Variants in LYG2 observed in about 807,000 individuals in gnomAD.
The protein encoded by LYG2 is lysozyme g2.
Under a neutral mutation model 22.4 loss-of-function variants are expected in LYG2, and 25 were observed. The ratio of observed to expected loss-of-function variants is 1.12; its 90% confidence interval spans 0.81 to 1.56. LYG2 has a LOEUF of 1.56. Ranked by LOEUF, LYG2 falls within the 40% of genes most tolerant of loss-of-function variation. The probability of loss-of-function intolerance (pLI) is 0.00; values close to 1 mark genes in which losing one functional copy is unlikely to be tolerated. For synonymous variants in LYG2, 88 were observed against 97.0 expected (o/e 0.91, Z 0.55); for missense variants, 266 against 269.5 (o/e 0.99, Z 0.09).
At position 99,242,275 on chromosome 2, in the gene LYG2, G is replaced by T; in HGVS notation, c.*89C>A. Reference sequence around the variant, plus strand: ...CTTTCATGATTTTAATCATTTCTTTGCCAGTGTTGTATACAACACATTCAC... The same window carrying T: ...CTTTCATGATTTTAATCATTTCTTTTCCAGTGTTGTATACAACACATTCAC... On this transcript the variant is annotated 3_prime_UTR_variant, in exon 7 of 7. Transcript: ENST00000333017. The T allele has an allele frequency of 1.5e-5, 8 of 541,990 alleles. No individual in the cohort carries two copies. Among genetic ancestry groups the T allele is most frequent in the South Asian group, 4.1e-5 (1 of 24,538 alleles). 33.6% of individuals were successfully genotyped at this position (541,990 alleles called of 1,614,324 possible).
At position 99,245,500 on chromosome 2, in the gene LYG2, T is replaced by C. The variant is rs536980441; in HGVS notation, c.185-42A>G. ...GAAACTGTTTTTCCGGGCATGGTAG[T>C]GTGTGCCTGAAGTCAGTTCCTGCTA... On this transcript the variant is annotated intron_variant, in intron 4 of 6. Coordinates refer to ENST00000333017, the MANE Select transcript of LYG2 (RefSeq NM_175735.4). 3.6e-5 allele frequency: 49 copies of C among 1,365,986 alleles called. No individual in the cohort carries two copies. The East Asian group carries it at 1.1e-3, about 31-fold the overall frequency. The allele number at this position is 1,365,986 out of a possible 1,614,324, so 84.6% of individuals were successfully genotyped here.
At chr2:99,247,021 C>T (rs934339816) in intron 3 of LYG2, among the ~76,000 whole-genome samples, 6 of 152,180 alleles carry the variant, frequency 3.9e-5, no homozygotes, top group Admixed American at 2.6e-4. Context: ...TAACACAGGA[C>T]GTAATCTGAA....
Position 99,246,803 on chromosome 2 carries a change from A to G in LYG2, c.61T>C (p.Tyr21His), listed in dbSNP as rs2094016838. 2 of 1,613,486 alleles carry G rather than the reference A, an allele frequency of 1.2e-6. No individual in the cohort carries two copies. The highest frequency in any genetic ancestry group is 1.7e-6 in the Non-Finnish European group (2 of 1,179,816). Residue 21 changes from tyrosine (Y) to histidine (H), a missense_variant, in exon 4 of 7, where the codon TAC (tyrosine) becomes CAC (histidine). Physicochemically the swap from Tyr to His is moderately conservative, Grantham distance 83 (BLOSUM62 2). Coordinates refer to ENST00000333017, the MANE Select transcript of LYG2 (RefSeq NM_175735.4). ...IALIGTSRGS[Y>H]PFSHSMKPHL... ...GGCTTCATTGAGTGACTGAAGGGGTATGAGCCCCTGGAAGTGCCTAGGAGG... is the reference window on the plus strand; with the variant it reads ...GGCTTCATTGAGTGACTGAAGGGGTGTGAGCCCCTGGAAGTGCCTAGGAGG...
chr2:99,244,677 T>A (rs1013064053), intron 5 of LYG2, among the ~76,000 whole-genome samples: 1 of 152,206 alleles, frequency 6.6e-6, no homozygotes, highest in African/African-American at 2.4e-5. Flanking sequence ...TTTATAAGAT[T>A]TTCTCAGTTT....
chr2:99,253,984 G>A (rs1193229174), intron 3 of LYG2, among the ~76,000 whole-genome samples: 2 of 152,156 alleles, frequency 1.3e-5, no homozygotes, highest in Non-Finnish European at 2.9e-5. Context: ...CAGGAAGTAA[G>A]CAGATCAATA....
the LYG2 span, among the ~76,000 whole-genome samples, chr2:99,260,822 G>A: frequency 6.6e-6 from 1 of 152,212 alleles, no homozygotes; most frequent in African/African-American, 2.4e-5. Flanking sequence ...AAAAAAATCA[G>A]ATAGCAATGC....
chr2:99,252,146 C>G (rs1160353897), intron 3 of LYG2, among the ~76,000 whole-genome samples: 1 of 47,884 alleles, frequency 2.1e-5, no homozygotes. Flanking sequence ...CTCCGCCTCC[C>G]AAGTTCATGC....
chr2:99,256,856 C>G (rs943074268), upstream of LYG2, among the ~76,000 whole-genome samples: 2 of 152,188 alleles, frequency 1.3e-5, no homozygotes, highest in African/African-American at 4.8e-5. Flanking sequence ...TTATTTGACA[C>G]CCAACATTAG....
intron 5 of LYG2, among the ~76,000 whole-genome samples, chr2:99,244,631 A>G (rs2094012541): frequency 1.3e-5 from 2 of 152,184 alleles, no homozygotes; most frequent in African/African-American, 4.8e-5. Flanking sequence ...TTACTACTTC[A>G]TGAACCCCAA....
intron 3 of LYG2, among the ~76,000 whole-genome samples, chr2:99,253,780 A>G (rs1303413192): frequency 6.6e-6 from 1 of 152,106 alleles, no homozygotes; most frequent in Non-Finnish European, 1.5e-5. Flanking sequence ...AGCCTTTCAC[A>G]TCTGAGCATT....
chr2:99,254,633 A>C (rs552336033), intron 2 of LYG2, among the ~76,000 whole-genome samples: 1 of 151,982 alleles, frequency 6.6e-6, no homozygotes, highest in African/African-American at 2.4e-5. Context: ...CATTCTAGTT[A>C]TTCACCCTAC....
intron 6 of LYG2, chr2:99,243,618 C>G: frequency 1.0e-6 from 1 of 953,094 alleles, no homozygotes; most frequent in South Asian, 1.8e-5. Flanking sequence ...TCACTGCAGC[C>G]TTAACCTCCC....
In LYG2 at chr2:99,244,053, TTCTC is replaced by T; in HGVS notation, c.462_465del (p.Arg155LeufsTer37). The T allele has an allele frequency of 6.2e-7, 1 of 1,614,064 alleles. No homozygotes were observed. Among genetic ancestry groups the T allele is most frequent in the South Asian group, 1.1e-5 (1 of 91,026 alleles). On this transcript the variant is annotated frameshift_variant, in exon 6 of 7. Transcript: ENST00000333017. LOFTEE classifies it high-confidence loss of function. ...GGGAATTTTTTCTGGATTGCCTTAA[TTCTC>T]TCTGTTAGAATCCCAGTAGCCTGTG...
intron 6 of LYG2, chr2:99,243,470 A>T: frequency 6.5e-7 from 1 of 1,548,450 alleles, no homozygotes; most frequent in Non-Finnish European, 8.7e-7. Flanking sequence ...AACAGGAAAA[A>T]ACCTATGAGA....
intron 2 of LYG2, 119 bp from the exon 3 acceptor site, chr2:99,254,404 G>T: frequency 1.4e-6 from 1 of 692,166 alleles, no homozygotes; most frequent in Non-Finnish European, 2.4e-6. Context: ...TCATTTCCCT[G>T]TTTCAAGATA....
chr2:99,260,151 T>C (rs573583889), upstream of LYG2, among the ~76,000 whole-genome samples: 2 of 152,086 alleles, frequency 1.3e-5, no homozygotes, highest in East Asian at 3.9e-4. Context: ...TTAGTAGAGA[T>C]GGGGTTTCAC....
the LYG2 span, among the ~76,000 whole-genome samples, chr2:99,261,199 T>C: frequency 1.3e-5 from 2 of 151,728 alleles, no homozygotes; most frequent in Admixed American, 1.3e-4. Context: ...CAGGGACAAG[T>C]GAGATGGAGT....
chr2:99,260,253 G>A (rs1043435529), upstream of LYG2, among the ~76,000 whole-genome samples: 12 of 152,126 alleles, frequency 7.9e-5, no homozygotes, highest in Non-Finnish European at 1.6e-4. Context: ...ATGAGCCACC[G>A]TGCCCGGCCA....
chr2:99,243,542 A>AAT (rs1216621306), intron 6 of LYG2: 998 of 1,498,332 alleles, frequency 6.7e-4, no homozygotes, highest in Non-Finnish European at 8.0e-4. Context: ...AGATAGATAA[A>AAT]TTTTTTTTTG....
Sources: allele counts gnomAD v4.1 joint callset (sites outside exome capture counted in the v4.1 genomes callset), GRCh38; gene constraint gnomAD v4.1.1; transcripts MANE v1.5; gene names NCBI Gene and HGNC (gene_info 2026-07-23, HGNC 2026-07-21).